Variants in NAGLU observed in about 807,000 individuals in gnomAD.
The protein encoded by NAGLU is alpha-N-acetylglucosaminidase.
A neutral mutation model predicts 43.4 loss-of-function variants in NAGLU; 34 were observed. The observed-to-expected ratio is 0.78, with a 90% CI of 0.60 to 1.04. NAGLU has a LOEUF of 1.04. NAGLU is among the 50% of genes least tolerant of loss of function. The pLI is 0.00. For synonymous variants in NAGLU, 425 were observed against 437.6 expected (o/e 0.97, Z 0.36); for missense variants, 910 against 993.7 (o/e 0.92, Z 1.13).
intron 1 of NAGLU, 94 bp from the exon 2 acceptor site, chr17:42,537,304 C>T (rs745506820): frequency 1.3e-6 from 2 of 1,583,494 alleles, no homozygotes; most frequent in African/African-American, 1.3e-5. Context: ...TTTGGAGCCC[C>T]TCCCCTCTCC....
At chr17:42,537,082 A>G (rs1203946594) in intron 1 of NAGLU, 1 of 464,892 alleles carries the variant, frequency 2.2e-6, no homozygotes. Flanking sequence ...CATCTGTTAG[A>G]CTGTGGGGGC....
Position 42,543,473 on chromosome 17 carries a change from C to A in NAGLU, c.1467C>A (p.Asp489Glu). 1 of 1,600,276 alleles carries A rather than the reference C, an allele frequency of 6.2e-7. No homozygotes were observed. Residue 489 changes from aspartate (D) to glutamate (E), a missense_variant, in exon 6 of 6, where the codon GAC becomes GAA. Physicochemically the swap from Asp to Glu is conservative, Grantham distance 45. Transcript: ENST00000225927. Reference sequence around the variant, plus strand: ...GGCGGTATGGGGTCTCCCACCCGGACGCAGGGGCAGCGTGGAGGCTACTGC... The same window carrying A: ...GGCGGTATGGGGTCTCCCACCCGGAAGCAGGGGCAGCGTGGAGGCTACTGC... ...AARRYGVSHPDAGAAWRLLLR... is the reference protein window; with the variant it reads ...AARRYGVSHPEAGAAWRLLLR...
In NAGLU at chr17:42,541,009, A is replaced by G. The variant is rs1025860195; in HGVS notation, c.824A>G (p.Tyr275Cys). 1.2e-6 allele frequency: 2 copies of G among 1,613,940 alleles called. No individual in the cohort carries two copies. Among genetic ancestry groups the G allele is most frequent in the Non-Finnish European group, 1.7e-6 (2 of 1,179,978 alleles). Residue 275 changes from tyrosine to cysteine, a missense_variant, in exon 5 of 6, where the codon TAC becomes TGC. Transcript: ENST00000225927. ...MGSWGHFNCS[Y>C]SCSFLLAPED... is the part of the protein sequence containing the mutation. Reference sequence around the variant, plus strand: ...AGTTGGGGCCACTTTAACTGTTCCTACTCCTGCTCCTTCCTTCTGGCTCCG... The same window carrying G: ...AGTTGGGGCCACTTTAACTGTTCCTGCTCCTGCTCCTTCCTTCTGGCTCCG...
chr17:42,538,750 C>T lies in NAGLU; in HGVS notation c.759C>T (p.Val253=). 1.2e-6 allele frequency: 2 copies of T among 1,613,930 alleles called. No individual in the cohort carries two copies. Among genetic ancestry groups the T allele is most frequent in the Admixed American group, 3.3e-5 (2 of 60,028 alleles). Residue 253 remains valine, a synonymous_variant, in exon 4 of 6, where the codon GTC becomes GTT. Transcript: ENST00000225927. ...TCGCGGGGCATGTTCCCGAGGCTGTCACCAGGTGAGGTTCCGCTCACCCCC... is the reference window on the plus strand; with the variant it reads ...TCGCGGGGCATGTTCCCGAGGCTGTTACCAGGTGAGGTTCCGCTCACCCCC... ...PAFAGHVPEA[V]TRVFPQVNVT...
At position 42,536,671 on chromosome 17, in the gene NAGLU, T is replaced by A. The variant is rs1165932919; in HGVS notation, c.383+16T>A. On this transcript the variant is annotated intron_variant, in intron 1 of 5. Coordinates refer to ENST00000225927, the MANE Select transcript of NAGLU (RefSeq NM_000263.4). The stretch of plus-strand genomic sequence containing the variant: ...CGCCCAACAGGTACCGCCCCGAAGC[T>A]TCCCCGCGTCCGCCCGAGGCGCTTA... 1.3e-6 allele frequency: 2 copies of A among 1,483,810 alleles called. No individual in the cohort carries two copies. Among genetic ancestry groups the A allele is most frequent in the Admixed American group, 4.4e-5 (2 of 45,100 alleles). The allele number at this position is 1,483,810 out of a possible 1,614,324, so 91.9% of individuals were successfully genotyped here.
intron 3 of NAGLU, 27 bp from the exon 4 acceptor site, chr17:42,538,643 T>C: frequency 1.9e-6 from 3 of 1,613,800 alleles, no homozygotes; most frequent in Non-Finnish European, 2.5e-6. Flanking sequence ...GTGGCCATGC[T>C]CACCACCCTT....
In NAGLU at chr17:42,544,281, G is replaced by A. The variant is rs1261592619; in HGVS notation, c.*43G>A. 3 of 1,601,486 alleles carry A rather than the reference G, an allele frequency of 1.9e-6. No homozygotes were observed. The highest frequency in any genetic ancestry group is 2.5e-6 in the Non-Finnish European group (3 of 1,179,896). ...GGCCTTGTTTTCCGCTAATTCCAGGGCAGATTCCAGGGCCCAGAGCTGGAC... is the reference window on the plus strand; with the variant it reads ...GGCCTTGTTTTCCGCTAATTCCAGGACAGATTCCAGGGCCCAGAGCTGGAC... On this transcript the variant is annotated 3_prime_UTR_variant, in exon 6 of 6. Transcript: ENST00000225927.
chr17:42,543,572 C>G lies in NAGLU; in HGVS notation c.1566C>G (p.Ser522=). The G allele has an allele frequency of 6.2e-7, 1 of 1,612,690 alleles. No individual in the cohort carries two copies. ...GTAGCCCGCTGGTCAGGCGGCCGTC[C>G]CTACAGATGAATACCAGCATCTGGT... is the stretch of plus-strand genomic sequence containing the variant. ...HNRSPLVRRP[S]LQMNTSIWYN... The change falls in exon 6 of 6, where the codon TCC becomes TCG. Residue 522 remains serine, a synonymous_variant. Transcript: ENST00000225927.
Position 42,537,543 on chromosome 17 carries a change from C to G in NAGLU, c.529C>G (p.Arg177Gly). The change falls in exon 2 of 6, where the codon CGG becomes GGG. Residue 177 changes from arginine (R) to glycine (G), a missense_variant and splice_region_variant. Arg to Gly is a moderately radical substitution (Grantham distance 125). Transcript: ENST00000225927. ...AWSGQEAIWQ[R>G]VYLALGLTQA... ...GAGCGGCCAGGAGGCCATCTGGCAG[C>G]GGGTGCGTGCCCACTGTCCCTTCCC... The G allele has an allele frequency of 6.2e-7, 1 of 1,613,664 alleles. No individual in the cohort carries two copies. The highest frequency in any genetic ancestry group is 1.1e-5 in the South Asian group (1 of 91,076).
rs2092919902 is a variant in NAGLU, at chr17:42,540,939, C to T, written c.765-11C>T. The T allele has an allele frequency of 1.2e-6, 2 of 1,614,054 alleles. No individual in the cohort carries two copies. The highest frequency in any genetic ancestry group is 2.2e-5 in the East Asian group (1 of 44,898). The stretch of plus-strand genomic sequence containing the variant: ...CTTCCATGAAATATCTGAGCTTTTG[C>T]TCCCCACTAGGGTGTTCCCTCAGGT... On this transcript the variant is annotated splice_polypyrimidine_tract_variant and intron_variant, in intron 4 of 5. Transcript: ENST00000225927.
chr17:42,536,630 G>T lies in NAGLU; in HGVS notation c.358G>T (p.Glu120Ter), dbSNP rs1445294968. Residue 120 changes from glutamate to a stop codon, truncating the protein, a stop_gained, in exon 1 of 6, where the codon GAG becomes TAG. Transcript: ENST00000225927. LOFTEE classifies it high-confidence loss of function. The part of the protein sequence containing the change: ...LPRPLPAVPG[E>*]LTEATPNRYR... ...GCGGCCACTGCCAGCCGTGCCGGGG[G>T]AGCTGACCGAGGCCACGCCCAACAG... The T allele has an allele frequency of 3.3e-6, 5 of 1,499,670 alleles. No individual in the cohort carries two copies. Among genetic ancestry groups the T allele is most frequent in the Non-Finnish European group, 4.4e-6 (5 of 1,131,756 alleles). 92.9% of individuals were successfully genotyped at this position (1,499,670 alleles called of 1,614,324 possible).
Position 42,543,377 on chromosome 17 carries a change from C to G in NAGLU, c.1371C>G (p.Leu457=). 1 of 1,611,186 alleles carries G rather than the reference C, an allele frequency of 6.2e-7. No individual in the cohort carries two copies. The highest frequency in any genetic ancestry group is 1.1e-5 in the South Asian group (1 of 90,772). The change falls in exon 6 of 6, where the codon CTC becomes CTG. Residue 457 remains leucine, a synonymous_variant. Coordinates refer to ENST00000225927, the MANE Select transcript of NAGLU (RefSeq NM_000263.4). Reference sequence around the variant, plus strand: ...GCCAGAACGAAGTGGTCTATTCCCTCATGGCTGAGCTGGGCTGGCGAAAGG... The same window carrying G: ...GCCAGAACGAAGTGGTCTATTCCCTGATGGCTGAGCTGGGCTGGCGAAAGG... ...GISQNEVVYS[L]MAELGWRKDP...
intron 4 of NAGLU, among the ~76,000 whole-genome samples, chr17:42,540,727 C>T (rs1407809666): frequency 8.0e-5 from 12 of 149,680 alleles, no homozygotes; most frequent in Admixed American, 4.7e-4. Flanking sequence ...GAAAAAGGAG[C>T]GTTGCTTGTT....
At position 42,544,325 on chromosome 17, in the gene NAGLU, C is replaced by A; in HGVS notation, c.*87C>A. 2 of 1,587,318 alleles carry A rather than the reference C, an allele frequency of 1.3e-6. No homozygotes were observed. The highest frequency in any genetic ancestry group is 1.7e-6 in the Non-Finnish European group (2 of 1,172,594). On this transcript the variant is annotated 3_prime_UTR_variant, in exon 6 of 6. Coordinates refer to ENST00000225927, the MANE Select transcript of NAGLU (RefSeq NM_000263.4). ...GCTGGACAGACATCACAGGATAACC[C>A]AGGCCTGGGAGGAGGCCCCACGGCC...
Position 42,543,091 on chromosome 17 carries a change from G to T in NAGLU, c.1085G>T (p.Gly362Val). 1 of 1,611,562 alleles carries T rather than the reference G, an allele frequency of 6.2e-7. No individual in the cohort carries two copies. Residue 362 changes from glycine (G) to valine (V), a missense_variant, in exon 6 of 6, where the codon GGG becomes GTG. Gly to Val is a moderately radical substitution (Grantham distance 109). Coordinates refer to ENST00000225927, the MANE Select transcript of NAGLU (RefSeq NM_000263.4). ...TTCCAGCACCAGCCGCAGTTCTGGG[G>T]GCCCGCCCAGATCAGGGCTGTGCTG... ...WLFQHQPQFW[G>V]PAQIRAVLGA...
Position 42,536,672 on chromosome 17 carries a change from TC to T in NAGLU, c.383+21del. 1 of 1,482,528 alleles carries T rather than the reference TC, an allele frequency of 6.7e-7. No homozygotes were observed. Among genetic ancestry groups the T allele is most frequent in the Non-Finnish European group, 8.9e-7 (1 of 1,120,428 alleles). 91.8% of individuals were successfully genotyped at this position (1,482,528 alleles called of 1,614,324 possible). A position where few individuals can be genotyped will look rare whatever the true frequency, so the allele number is the denominator to read the frequency against. On this transcript the variant is annotated intron_variant, in intron 1 of 5. Transcript: ENST00000225927. ...GCCCAACAGGTACCGCCCCGAAGCT[TC>T]CCCGCGTCCGCCCGAGGCGCTTACC...
chr17:42,537,548 G>A lies in NAGLU; in HGVS notation c.531+3G>A, dbSNP rs2092910118. 6.2e-7 allele frequency: 1 copy of A among 1,613,612 alleles called. No homozygotes were observed. Among genetic ancestry groups the A allele is most frequent in the Non-Finnish European group, 8.5e-7 (1 of 1,179,984 alleles). ...GCCAGGAGGCCATCTGGCAGCGGGT[G>A]CGTGCCCACTGTCCCTTCCCCACCC... is the stretch of plus-strand genomic sequence containing the variant. On this transcript the variant is annotated splice_donor_region_variant and intron_variant, in intron 2 of 5. Transcript: ENST00000225927.
At chr17:42,541,348 C>A in intron 5 of NAGLU, 142 bp downstream of exon 5, 1 of 1,283,074 alleles carries the variant, frequency 7.8e-7, no homozygotes, top group Non-Finnish European at 1.1e-6. Context: ...AGCACGTGTA[C>A]ACATGCGTTG....
Position 42,540,961 on chromosome 17 carries a change from A to G in NAGLU, c.776A>G (p.Gln259Arg). ...VPEAVTRVFP[Q>R]VNVTKMGSWG... ...TTGCTCCCCACTAGGGTGTTCCCTCAGGTCAATGTCACGAAGATGGGCAGT... is the reference window on the plus strand; with the variant it reads ...TTGCTCCCCACTAGGGTGTTCCCTCGGGTCAATGTCACGAAGATGGGCAGT... The change falls in exon 5 of 6, where the codon CAG becomes CGG. Residue 259 changes from glutamine (Q) to arginine (R), a missense_variant. Coordinates refer to ENST00000225927, the MANE Select transcript of NAGLU (RefSeq NM_000263.4). 6.2e-7 allele frequency: 1 copy of G among 1,614,214 alleles called. No homozygotes were observed. The highest frequency in any genetic ancestry group is 1.3e-5 in the African/African-American group (1 of 75,050).
Sources: allele counts gnomAD v4.1 joint callset (sites outside exome capture counted in the v4.1 genomes callset), GRCh38; gene constraint gnomAD v4.1.1; transcripts MANE v1.5; gene names NCBI Gene and HGNC (gene_info 2026-07-23, HGNC 2026-07-21).